TBC1D15: variants seen among roughly 807,000 people sequenced by gnomAD.
TBC1D15 encodes the protein TBC1 domain family member 15.
A neutral mutation model predicts 95.4 loss-of-function variants in TBC1D15; 39 were observed. The observed-to-expected ratio is 0.41, with a 90% CI of 0.32 to 0.53. The LOEUF (loss-of-function observed/expected upper bound fraction) is 0.53. Ranked by LOEUF, TBC1D15 falls within the 20% of genes least tolerant of loss-of-function variation. The pLI, the probability that TBC1D15 is intolerant of heterozygous loss-of-function variation, is 0.29. For synonymous variants in TBC1D15, 258 were observed against 261.3 expected, an observed-to-expected ratio of 0.99 and a Z score of 0.12; for missense variants, 733 against 794.3, an observed-to-expected ratio of 0.92 and a Z score of 0.93.
intron 12 of TBC1D15, among the ~76,000 whole-genome samples, chr12:71,915,387 T>G (rs1355911379): frequency 6.6e-6 from 1 of 150,872 alleles, no homozygotes; most frequent in Non-Finnish European, 1.5e-5. Flanking sequence ...AACGGGTTTT[T>G]GTAGAATAAA....
intron 10 of TBC1D15, among the ~76,000 whole-genome samples, chr12:71,906,790 A>G (rs1348496098): frequency 1.3e-5 from 2 of 152,210 alleles, no homozygotes; most frequent in Admixed American, 6.5e-5. Context: ...TTAGATAATA[A>G]TTGAAAAATA....
At chr12:71,851,810 C>T (rs375543607) in intron 1 of TBC1D15, among the ~76,000 whole-genome samples, 2 of 126,610 alleles carry the variant, frequency 1.6e-5, no homozygotes. Flanking sequence ...CGTTGCAGGG[C>T]TCAGCCCCTG....
chr12:71,903,940 C>A (rs1484960136), intron 10 of TBC1D15, among the ~76,000 whole-genome samples: 1 of 152,112 alleles, frequency 6.6e-6, no homozygotes, highest in Admixed American at 6.6e-5. Flanking sequence ...TATCTGTACA[C>A]CAAACCCCCA....
intron 10 of TBC1D15, among the ~76,000 whole-genome samples, chr12:71,898,809 C>T (rs1269614620): frequency 1.3e-5 from 2 of 152,078 alleles, no homozygotes; most frequent in Non-Finnish European, 1.5e-5. Context: ...ATTTAGAAAG[C>T]CCAACGTAAC....
rs200798914 is a variant in TBC1D15, at chr12:71,839,854, C to T, written c.30+43C>T. Reference sequence around the variant, plus strand: ...GGAAGACCTCGGCTTTTCTCTGGGACGGGGATGCTTTTGCTCCCTGGCAGC... The same window carrying T: ...GGAAGACCTCGGCTTTTCTCTGGGATGGGGATGCTTTTGCTCCCTGGCAGC... On this transcript the variant is annotated intron_variant, in intron 1 of 16. Coordinates refer to ENST00000485960, the MANE Select transcript of TBC1D15 (RefSeq NM_001146213.3). 118 of 1,613,288 alleles carry T rather than the reference C, an allele frequency of 7.3e-5. 1 individual carries two copies. The African/African-American group carries it at 1.5e-3, about 21-fold the overall frequency.
chr12:71,852,729 T>G (rs1405489915), intron 1 of TBC1D15, among the ~76,000 whole-genome samples: 1 of 152,188 alleles, frequency 6.6e-6, no homozygotes, highest in Non-Finnish European at 1.5e-5. Flanking sequence ...CCAGGCTGTT[T>G]GCTAAGACAT....
At chr12:71,847,383 G>GTT (rs138208282) in intron 1 of TBC1D15, among the ~76,000 whole-genome samples, 2 of 149,516 alleles carry the variant, frequency 1.3e-5, no homozygotes, top group African/African-American at 4.9e-5. Context: ...TGTATCATTA[G>GTT]TTTTTTTTTT....
At chr12:71,864,709 C>T (rs906970550) in intron 1 of TBC1D15, among the ~76,000 whole-genome samples, 3 of 151,774 alleles carry the variant, frequency 2.0e-5, no homozygotes, top group African/African-American at 7.3e-5. Flanking sequence ...GATTCACTGT[C>T]TTGGCCAGGG....
chr12:71,854,583 T>C, intron 1 of TBC1D15: 2 of 456,742 alleles, frequency 4.4e-6, no homozygotes, highest in South Asian at 1.5e-5. Context: ...CAGCAAGATA[T>C]TCAAGAATTT....
chr12:71,917,894 C>A, intron 13 of TBC1D15, 97 bp downstream of exon 13: 1 of 768,418 alleles, frequency 1.3e-6, no homozygotes, highest in Non-Finnish European at 2.2e-6. Flanking sequence ...TGCAGTGGCT[C>A]ATGCCTATAA....
intron 3 of TBC1D15, among the ~76,000 whole-genome samples, chr12:71,877,390 G>T (rs1894122556): frequency 6.7e-6 from 1 of 149,866 alleles, no homozygotes; most frequent in Non-Finnish European, 1.5e-5. Flanking sequence ...AAATATTTTT[G>T]ATTTATTTTA....
At chr12:71,887,354 A>G (rs1224640589) in intron 5 of TBC1D15, among the ~76,000 whole-genome samples, 1 of 152,186 alleles carries the variant, frequency 6.6e-6, no homozygotes, top group Non-Finnish European at 1.5e-5. Context: ...CCTATGAAAA[A>G]TATTTCATTG....
intron 10 of TBC1D15, 136 bp downstream of exon 10, chr12:71,898,077 G>A: frequency 5.1e-6 from 3 of 591,878 alleles, no homozygotes; most frequent in East Asian, 2.9e-5. Flanking sequence ...ACATTGCAGT[G>A]TGTGTTTAAT....
At position 71,907,073 on chromosome 12, in the gene TBC1D15, A is replaced by G. The variant is rs780274704; in HGVS notation, c.1235A>G (p.Asp412Gly). ...ACAAACAAGTTTTATGAAGGCCAAG[A>G]TAATCCAGGGTTGATTTTACTTCAT... ...DRTNKFYEGQ[D>G]NPGLILLHDI... Residue 412 changes from aspartate to glycine, a missense_variant, in exon 11 of 17, where the codon GAT becomes GGT. Asp to Gly is a moderately conservative substitution (Grantham distance 94). Transcript: ENST00000485960. 8 of 1,612,542 alleles carry G rather than the reference A, an allele frequency of 5.0e-6. No homozygotes were observed. Among genetic ancestry groups the G allele is most frequent in the South Asian group, 4.4e-5 (4 of 90,824 alleles).
intron 1 of TBC1D15, among the ~76,000 whole-genome samples, chr12:71,850,959 C>G (rs167888): frequency 7.6e-6 from 1 of 131,960 alleles, no homozygotes; most frequent in Non-Finnish European, 1.5e-5. Flanking sequence ...TGCACTCAGC[C>G]TGGTGGCAGA....
At chr12:71,863,993 A>C (rs993514210) in intron 1 of TBC1D15, among the ~76,000 whole-genome samples, 2 of 148,762 alleles carry the variant, frequency 1.3e-5, no homozygotes, top group African/African-American at 4.9e-5. Flanking sequence ...TATTATTTTG[A>C]ATTCCTTTTG....
At position 71,898,875 on chromosome 12, in the gene TBC1D15, C is replaced by T. The variant is rs116935103; in HGVS notation, c.1183+934C>T. 1.2e-4 allele frequency among the ~76,000 whole-genome samples: 18 copies of T among 152,212 alleles called. No individual in the cohort carries two copies. The East Asian group carries it at 2.7e-3, about 23-fold the overall frequency. On this transcript the variant is annotated intron_variant, in intron 10 of 16. Transcript: ENST00000485960. Reference sequence around the variant, plus strand: ...AAACAAGATCTTTTTGGCAGTGATACTTTTGATCCAAAAAGAATTTATTTT... The same window carrying T: ...AAACAAGATCTTTTTGGCAGTGATATTTTTGATCCAAAAAGAATTTATTTT...
intron 10 of TBC1D15, among the ~76,000 whole-genome samples, chr12:71,899,185 G>A (rs547884180): frequency 6.6e-6 from 1 of 152,252 alleles, no homozygotes; most frequent in Non-Finnish European, 1.5e-5. Flanking sequence ...CAATGTTGAT[G>A]TCTCTGATAT....
chr12:71,864,075 C>CT lies in TBC1D15; in HGVS notation c.31-7984dup, dbSNP rs944597466. 2.9e-3 allele frequency among the ~76,000 whole-genome samples: 423 copies of CT among 144,272 alleles called. 4 individuals are homozygous for CT. The highest frequency in any genetic ancestry group is 5.6e-3 in the Admixed American group (80 of 14,400). The allele number at this position is 144,272 out of a possible 152,430, so 94.6% of individuals were successfully genotyped here. On this transcript the variant is annotated intron_variant, in intron 1 of 16. Coordinates refer to ENST00000485960, the MANE Select transcript of TBC1D15 (RefSeq NM_001146213.3). ...CCCTTGGTGGTGTCCTATTTTCTTG[C>CT]TTTTTTTTTTTGAGACGGAGTTTCC...
Sources: allele counts gnomAD v4.1 joint callset (sites outside exome capture counted in the v4.1 genomes callset), GRCh38; gene constraint gnomAD v4.1.1; transcripts MANE v1.5; gene names NCBI Gene and HGNC (gene_info 2026-07-23, HGNC 2026-07-21).